GLI3: variants seen among roughly 807,000 people sequenced by gnomAD.
The protein encoded by GLI3 is GLI family zinc finger 3.
Under a neutral mutation model 100.8 loss-of-function variants are expected in GLI3, and 20 were observed. That is an observed-to-expected ratio of 0.20 (90% confidence interval 0.14 to 0.29). The LOEUF is 0.29. Ranked by LOEUF, GLI3 falls within the 10% of genes least tolerant of loss-of-function variation. GLI3 has a pLI of 1.00. For missense variants in GLI3, 2,040 were observed against 2,128.5 expected (o/e 0.96, Z 0.82); for synonymous variants, 938 against 860.5 (o/e 1.09, Z -1.58).
chr7:41,997,272 C>CT (rs1040035406), intron 10 of GLI3, among the ~76,000 whole-genome samples: 17 of 150,104 alleles, frequency 1.1e-4, no homozygotes, highest in Admixed American at 2.7e-4. Context: ...AGAAGTCCAG[C>CT]TTTTTTTTTT....
At chr7:42,065,431 C>T (rs1198549539) in intron 4 of GLI3, among the ~76,000 whole-genome samples, 2 of 151,792 alleles carry the variant, frequency 1.3e-5, no homozygotes, top group Non-Finnish European at 2.9e-5. Flanking sequence ...CAAGCTATAT[C>T]ACAATGTTTT....
In GLI3 at chr7:42,262,331, G is replaced by C. The variant is rs558578826; in HGVS notation, c.-43+1663C>G. On this transcript the variant is annotated intron_variant, in intron 1 of 2. Transcript: ENST00000678978. ...CTGGAGTGCAGAGGTGTAAACATGG[G>C]TCACTGCAGTCTCAACCTCCTAGGC... Among the ~76,000 whole-genome samples, 30 of 150,370 alleles carry C rather than the reference G, an allele frequency of 2.0e-4. No individual in the cohort carries two copies. In the South Asian group the frequency reaches 4.7e-3, roughly 23 times the overall value.
chr7:42,025,930 A>G (rs925101619), intron 8 of GLI3, among the ~76,000 whole-genome samples: 7 of 152,240 alleles, frequency 4.6e-5, no homozygotes, highest in African/African-American at 1.7e-4. Context: ...CAGGTTACAG[A>G]TGGCACCAGG....
intron 2 of GLI3, among the ~76,000 whole-genome samples, chr7:42,202,738 T>G (rs904161414): frequency 6.6e-6 from 1 of 152,172 alleles, no homozygotes; most frequent in South Asian, 2.1e-4. Context: ...ATCCTTAACT[T>G]AGGACAGCCT....
chr7:42,232,377 G>A (rs954945032), intron 1 of GLI3, among the ~76,000 whole-genome samples: 2 of 152,196 alleles, frequency 1.3e-5, no homozygotes, highest in Admixed American at 6.5e-5. Flanking sequence ...GGAAATCAGA[G>A]CAGTAATTCT....
At chr7:42,039,918 G>A in intron 7 of GLI3, 120 bp downstream of exon 7, 3 of 789,712 alleles carry the variant, frequency 3.8e-6, no homozygotes, top group Non-Finnish European at 6.7e-6. Context: ...TATAGGCACA[G>A]CATCATGCAC....
In GLI3 at chr7:41,991,740, A is replaced by T. The variant is rs1787992787; in HGVS notation, c.1498-12992T>A. ...CACTAATAAAATAGTGAAGAAGGGA[A>T]GGTTTCATAAACAGGGTAACTGAGC... On this transcript the variant is annotated intron_variant, in intron 10 of 14. Transcript: ENST00000395925. Among the ~76,000 whole-genome samples the T allele has an allele frequency of 2.6e-5, 4 of 152,212 alleles. No homozygotes were observed. The South Asian group carries it at 8.3e-4, about 31-fold the overall frequency.
At chr7:42,027,498 G>A (rs1789153259) in intron 7 of GLI3, among the ~76,000 whole-genome samples, 1 of 152,094 alleles carries the variant, frequency 6.6e-6, no homozygotes, top group South Asian at 2.1e-4. Flanking sequence ...TAATTACTAT[G>A]GCTATTAAGC....
chr7:41,977,408 C>T, intron 12 of GLI3, 150 bp downstream of exon 12: 1 of 787,514 alleles, frequency 1.3e-6, no homozygotes, highest in Non-Finnish European at 2.2e-6. Flanking sequence ...ACCTAGGAAG[C>T]TCAAGCCTTC....
chr7:42,182,664 A>ATATATATACATGTGTG lies in GLI3; in HGVS notation c.125-34197_125-34196insCACACATGTATATATA, dbSNP rs1554337050. On this transcript the variant is annotated intron_variant, in intron 2 of 14. Transcript: ENST00000395925. The stretch of plus-strand genomic sequence containing the variant: ...TGTGTGTATATATATATATATATAT[A>ATATATATACATGTGTG]TATATATATATATATATACACATGT... Among the ~76,000 whole-genome samples the ATATATATACATGTGTG allele has an allele frequency of 6.4e-4, 50 of 78,300 alleles. 1 individual carries two copies. The highest frequency in any genetic ancestry group is 3.0e-3 in the African/African-American group (47 of 15,576). 51.4% of individuals were successfully genotyped at this position (78,300 alleles called of 152,430 possible).
chr7:42,040,756 T>G (rs1169715971), intron 6 of GLI3, among the ~76,000 whole-genome samples: 2 of 152,206 alleles, frequency 1.3e-5, no homozygotes, highest in Non-Finnish European at 2.9e-5. Flanking sequence ...TGCTCTATGG[T>G]ATACTTAAAG....
intron 2 of GLI3, among the ~76,000 whole-genome samples, chr7:42,203,643 C>T (rs534049351): frequency 3.3e-5 from 5 of 152,160 alleles, no homozygotes; most frequent in Non-Finnish European, 7.3e-5. Flanking sequence ...TGGGTTGATT[C>T]TGTATCTTGC....
intron 2 of GLI3, among the ~76,000 whole-genome samples, chr7:42,216,389 A>G (rs113546265): frequency 2.6e-4 from 40 of 152,358 alleles, no homozygotes; most frequent in African/African-American, 9.4e-4. Flanking sequence ...TAGAGCATTC[A>G]AAGTATTCTG....
intron 2 of GLI3, among the ~76,000 whole-genome samples, chr7:42,154,607 T>C (rs1258193214): frequency 2.0e-5 from 3 of 152,246 alleles, no homozygotes; most frequent in African/African-American, 4.8e-5. Flanking sequence ...CCTCGCTCCC[T>C]GTTTCAGAAT....
intron 3 of GLI3, among the ~76,000 whole-genome samples, chr7:42,102,885 C>A (rs746661161): frequency 1.2e-4 from 19 of 152,118 alleles, no homozygotes; most frequent in Non-Finnish European, 2.5e-4. Context: ...CGCAGAAATG[C>A]CTAATTGTGG....
chr7:42,102,276 A>G (rs947499515), intron 3 of GLI3, among the ~76,000 whole-genome samples: 1 of 152,186 alleles, frequency 6.6e-6, no homozygotes, highest in Non-Finnish European at 1.5e-5. Context: ...AAAATCCATG[A>G]GCCTCACTGC....
chr7:42,071,608 A>G (rs1432244687), intron 4 of GLI3, among the ~76,000 whole-genome samples: 1 of 152,190 alleles, frequency 6.6e-6, no homozygotes, highest in Non-Finnish European at 1.5e-5. Flanking sequence ...TGCTAAATTT[A>G]GGGGAGGGGA....
chr7:41,991,956 G>A (rs566317978), intron 10 of GLI3, among the ~76,000 whole-genome samples: 39 of 152,298 alleles, frequency 2.6e-4, no homozygotes, highest in African/African-American at 8.9e-4. Context: ...TGCACATGCT[G>A]GTGAGTGGCT....
At chr7:42,026,502 T>C in intron 7 of GLI3, 90 bp from the exon 8 acceptor site, 1 of 983,694 alleles carries the variant, frequency 1.0e-6, no homozygotes, top group Non-Finnish European at 1.6e-6. Context: ...TCTATAATTT[T>C]ACCATCCCAA....
Sources: allele counts gnomAD v4.1 joint callset (sites outside exome capture counted in the v4.1 genomes callset), GRCh38; gene constraint gnomAD v4.1.1; transcripts MANE v1.5; gene names NCBI Gene and HGNC (gene_info 2026-07-23, HGNC 2026-07-21).